The following NELL1 variants were observed in gnomAD, a reference collection of about 807,000 sequenced individuals.
NELL1 encodes neural EGFL like 1, also known as protein kinase C-binding protein NELL1.
Under a neutral mutation model 107.4 loss-of-function variants are expected in NELL1, and 76 were observed. That is an observed-to-expected ratio of 0.71 (90% confidence interval 0.59 to 0.86). NELL1 has a LOEUF of 0.86. Ranked by LOEUF, NELL1 falls within the 40% of genes least tolerant of loss-of-function variation. NELL1 has a pLI of 0.00. For synonymous variants in NELL1, 353 were observed against 341.2 expected, an observed-to-expected ratio of 1.03 and a Z score of -0.38; for missense variants, 1,024 against 1,005.5, an observed-to-expected ratio of 1.02 and a Z score of -0.25.
chr11:21,245,798 A>G (rs935789947), intron 14 of NELL1, among the ~76,000 whole-genome samples: 2 of 152,212 alleles, frequency 1.3e-5, no homozygotes, highest in African/African-American at 4.8e-5. Flanking sequence ...GTAGGAACTC[A>G]GTAATTACAA....
At chr11:21,342,139 C>G (rs954094388) in intron 14 of NELL1, among the ~76,000 whole-genome samples, 1 of 152,178 alleles carries the variant, frequency 6.6e-6, no homozygotes, top group Non-Finnish European at 1.5e-5. Flanking sequence ...TAAAAAACAT[C>G]TGTTGAATGA....
intron 2 of NELL1, among the ~76,000 whole-genome samples, chr11:20,700,860 A>G (rs1038219760): frequency 6.6e-6 from 1 of 152,130 alleles, no homozygotes; most frequent in Non-Finnish European, 1.5e-5. Context: ...ATGGCTGCCT[A>G]GTATTCCATG....
intron 8 of NELL1, 139 bp downstream of exon 8, chr11:20,927,581 C>A: frequency 2.8e-6 from 2 of 707,684 alleles, no homozygotes; most frequent in Non-Finnish European, 4.5e-6. Context: ...ACTAGCCATA[C>A]GAGCAATTGT....
chr11:20,863,252 G>A (rs1354291563), intron 4 of NELL1, among the ~76,000 whole-genome samples: 1 of 146,114 alleles, frequency 6.8e-6, no homozygotes, highest in Non-Finnish European at 1.5e-5. Context: ...TCCCGGATGG[G>A]GCGGCTGGCT....
At chr11:20,775,519 G>C (rs868017400) in intron 2 of NELL1, among the ~76,000 whole-genome samples, 1 of 152,030 alleles carries the variant, frequency 6.6e-6, no homozygotes, top group East Asian at 1.9e-4. Flanking sequence ...TTGTGATTCA[G>C]ATGGAGCTGG....
chr11:20,743,007 A>G (rs970522902), intron 2 of NELL1, among the ~76,000 whole-genome samples: 22 of 152,254 alleles, frequency 1.4e-4, no homozygotes, highest in African/African-American at 4.6e-4. Flanking sequence ...CTTCTAACCA[A>G]TCTGTATTCA....
intron 14 of NELL1, among the ~76,000 whole-genome samples, chr11:21,246,636 A>G (rs1185394023): frequency 2.6e-5 from 4 of 152,188 alleles, no homozygotes; most frequent in Non-Finnish European, 5.9e-5. Context: ...ATGTTACTGT[A>G]CTTAATATTT....
intron 15 of NELL1, among the ~76,000 whole-genome samples, chr11:21,508,793 TAAAG>T (rs1195463679): frequency 2.8e-5 from 4 of 142,892 alleles, no homozygotes; most frequent in African/African-American, 1.1e-4. Flanking sequence ...TCAACTATGT[TAAAG>T]AAAAAAAAAT....
At chr11:20,835,455 G>A (rs1671334599) in intron 3 of NELL1, among the ~76,000 whole-genome samples, 1 of 152,122 alleles carries the variant, frequency 6.6e-6, no homozygotes, top group African/African-American at 2.4e-5. Flanking sequence ...TTGAATTTGT[G>A]TTGTAGATAA....
At chr11:21,348,132 T>C (rs1850725361) in intron 14 of NELL1, among the ~76,000 whole-genome samples, 1 of 152,184 alleles carries the variant, frequency 6.6e-6, no homozygotes, top group African/African-American at 2.4e-5. Flanking sequence ...CTATTTAATA[T>C]AAGATATGGC....
chr11:20,779,358 C>G (rs898827294), intron 2 of NELL1, among the ~76,000 whole-genome samples: 1 of 152,204 alleles, frequency 6.6e-6, no homozygotes, highest in Non-Finnish European at 1.5e-5. Context: ...GTTCAACACA[C>G]TTATGTTCCA....
At chr11:21,303,472 T>C (rs7945946) in intron 14 of NELL1, among the ~76,000 whole-genome samples, 266 of 152,054 alleles carry the variant, frequency 1.7e-3, no homozygotes, top group African/African-American at 6.0e-3. Context: ...TCAAAAAGCC[T>C]AATGGGTTTC....
At chr11:20,798,232 G>GT (rs1403446355) in intron 3 of NELL1, among the ~76,000 whole-genome samples, 1 of 152,156 alleles carries the variant, frequency 6.6e-6, no homozygotes, top group African/African-American at 2.4e-5. Flanking sequence ...CACTAATTAA[G>GT]TAAAATTTAA....
intron 14 of NELL1, among the ~76,000 whole-genome samples, chr11:21,315,638 G>T (rs1415531909): frequency 6.6e-6 from 1 of 152,162 alleles, no homozygotes; most frequent in Non-Finnish European, 1.5e-5. Context: ...ATTTGCTAAG[G>T]TCTTGATACC....
intron 14 of NELL1, among the ~76,000 whole-genome samples, chr11:21,366,912 C>A (rs536305428): frequency 3.9e-5 from 6 of 152,050 alleles, no homozygotes; most frequent in Non-Finnish European, 5.9e-5. Flanking sequence ...AGGGCTATTA[C>A]TTTTTATTAG....
rs371156988 is a variant in NELL1, at chr11:20,777,739, A to G, written c.185-5941A>G. On this transcript the variant is annotated intron_variant, in intron 2 of 19. Transcript: ENST00000357134. ...GGCCTGTCTATATCAGGAGTTTGCT[A>G]TATTTTGAGGTTCACAGTGTAATTA... 1.6e-3 allele frequency among the ~76,000 whole-genome samples: 242 copies of G among 152,304 alleles called. 3 individuals carry two copies. Among genetic ancestry groups the G allele is most frequent in the African/African-American group, 5.7e-3 (237 of 41,558 alleles).
chr11:21,461,134 A>T (rs1425889908), intron 15 of NELL1, among the ~76,000 whole-genome samples: 1 of 152,082 alleles, frequency 6.6e-6, no homozygotes, highest in Admixed American at 6.6e-5. Context: ...AATTGATAAC[A>T]ATCACTTATG....
chr11:21,263,583 A>G (rs552767663), intron 14 of NELL1, among the ~76,000 whole-genome samples: 1 of 151,898 alleles, frequency 6.6e-6, no homozygotes, highest in Admixed American at 6.6e-5. Flanking sequence ...TAAATCTCCC[A>G]TCTTTTTCTA....
intron 2 of NELL1, among the ~76,000 whole-genome samples, chr11:20,736,745 CT>C (rs1282924795): frequency 2.0e-5 from 3 of 151,630 alleles, no homozygotes; most frequent in African/African-American, 7.3e-5. Context: ...TCCCCTCCCC[CT>C]CCCTTCCTCT....
Sources: gnomAD v4.1 joint callset for allele counts (sites outside exome capture counted in the v4.1 genomes callset) on GRCh38, gnomAD v4.1.1 for gene constraint, MANE v1.5 for transcripts, NCBI Gene and HGNC (gene_info 2026-07-23, HGNC 2026-07-21) for gene names.